The following ABCB5 variants were observed in gnomAD, a reference collection of about 807,000 sequenced individuals.
The protein encoded by ABCB5 is ATP binding cassette subfamily B member 5.
A neutral mutation model predicts 144.2 loss-of-function variants in ABCB5; 155 were observed. The ratio of observed to expected loss-of-function variants is 1.08; its 90% CI spans 0.94 to 1.23. The LOEUF (loss-of-function observed/expected upper bound fraction) is 1.23, where lower values mean the gene tolerates loss of function less well. Ranked by LOEUF, ABCB5 falls within the 50% of genes most tolerant of loss-of-function variation. The pLI, the probability that ABCB5 is intolerant of heterozygous loss-of-function variation, is 0.00. For synonymous variants in ABCB5, 610 were observed against 528.6 expected (o/e 1.15, Z -2.11); for missense variants, 1,830 against 1,520.8 (o/e 1.20, Z -3.38).
At chr7:20,747,159 C>G (rs537038562) in intron 26 of ABCB5, among the ~76,000 whole-genome samples, 20 of 152,332 alleles carry the variant, frequency 1.3e-4, no homozygotes, top group Non-Finnish European at 8.8e-5. Context: ...TCCTTTTTAA[C>G]CATGACACTC....
At chr7:20,687,616 C>T (rs113048253) in intron 16 of ABCB5, among the ~76,000 whole-genome samples, 3 of 152,292 alleles carry the variant, frequency 2.0e-5, no homozygotes, top group African/African-American at 4.8e-5. Flanking sequence ...AAGTGTCCTA[C>T]AACCAAGAAC....
chr7:20,718,079 GTT>G (rs377757870), intron 20 of ABCB5, among the ~76,000 whole-genome samples: 2 of 140,374 alleles, frequency 1.4e-5, no homozygotes, highest in Non-Finnish European at 1.6e-5. Flanking sequence ...TTTTTTTGTG[GTT>G]TTTTTTTTTA....
Position 20,623,269 on chromosome 7 carries a change from A to G in ABCB5, c.-17A>G. On this transcript the variant is annotated 5_prime_UTR_variant, in exon 2 of 28. Coordinates refer to ENST00000404938, the MANE Select transcript of ABCB5 (RefSeq NM_001163941.2). Reference sequence around the variant, plus strand: ...TTTGTTAAAATTGTATTTCAGAAGAAGTAAATTGTAAATAAGATGGAAAAT... The same window carrying G: ...TTTGTTAAAATTGTATTTCAGAAGAGGTAAATTGTAAATAAGATGGAAAAT... 6.7e-7 allele frequency: 1 copy of G among 1,497,768 alleles called. No homozygotes were observed. The highest frequency in any genetic ancestry group is 9.1e-7 in the Non-Finnish European group (1 of 1,098,494). The allele number at this position is 1,497,768 out of a possible 1,614,324, so 92.8% of individuals were successfully genotyped here. A position where few individuals can be genotyped will look rare whatever the true frequency, so the allele number is the denominator to read the frequency against.
rs775420502 is a variant in ABCB5, at chr7:20,643,522, T to A, written c.568T>A (p.Ser190Thr). 4 of 1,613,918 alleles carry A rather than the reference T, an allele frequency of 2.5e-6. No individual in the cohort carries two copies. The highest frequency in any genetic ancestry group is 3.4e-6 in the Non-Finnish European group (4 of 1,179,904). ...GATTGCTCTGTTGTTTCAAAACATG[T>A]CTACTTTTTCGATTGGCCTGGCAGT... ...DKIALLFQNM[S>T]TFSIGLAVGL... is the part of the protein sequence containing the mutation. The change falls in exon 7 of 28, where the codon TCT becomes ACT. Residue 190 changes from serine (S) to threonine (T), a missense_variant. Physicochemically the swap from Ser to Thr is moderately conservative, Grantham distance 58. Coordinates refer to ENST00000404938, the MANE Select transcript of ABCB5 (RefSeq NM_001163941.2).
intron 14 of ABCB5, among the ~76,000 whole-genome samples, chr7:20,681,008 T>C (rs1472053339): frequency 2.3e-3 from 13 of 5,562 alleles, no homozygotes; most frequent in South Asian, 0.01. Context: ...CTTTCTTTCT[T>C]TCTTTCTTTC....
chr7:20,653,121 C>T (rs942988665), intron 13 of ABCB5, among the ~76,000 whole-genome samples: 1 of 152,188 alleles, frequency 6.6e-6, no homozygotes, highest in African/African-American at 2.4e-5. Flanking sequence ...AACATCAATG[C>T]TCTCATTTCC....
chr7:20,739,263 G>A (rs1314250452), intron 24 of ABCB5, 124 bp downstream of exon 24: 7 of 935,176 alleles, frequency 7.5e-6, no homozygotes, highest in Non-Finnish European at 1.0e-5. Flanking sequence ...GCTATACTCA[G>A]TACCTGTGTG....
chr7:20,647,755 G>A, intron 10 of ABCB5, 107 bp downstream of exon 10: 1 of 1,465,100 alleles, frequency 6.8e-7, no homozygotes, highest in South Asian at 1.3e-5. Flanking sequence ...CAAATTTAAT[G>A]TTGGCCAGTT....
At chr7:20,734,891 C>T (rs1782334950) in intron 23 of ABCB5, among the ~76,000 whole-genome samples, 1 of 152,162 alleles carries the variant, frequency 6.6e-6, no homozygotes, top group South Asian at 2.1e-4. Context: ...TTTGTTATTT[C>T]ACTATAAATG....
At position 20,699,888 on chromosome 7, in the gene ABCB5, G is replaced by A. The variant is rs1273295634; in HGVS notation, c.2218G>A (p.Val740Ile). 24 of 1,612,510 alleles carry A rather than the reference G, an allele frequency of 1.5e-5. No individual in the cohort carries two copies. Among genetic ancestry groups the A allele is most frequent in the Non-Finnish European group, 1.8e-5 (21 of 1,179,284 alleles). ...TGCAGAAATTTATTCCATGATATTC[G>A]TCATTTTGGGTGTTATTTGCTTTGT... ...HDAEIYSMIF[V>I]ILGVICFVSY... The change falls in exon 18 of 28, where the codon GTC (valine) becomes ATC (isoleucine). Residue 740 changes from valine (V) to isoleucine (I), a missense_variant. Coordinates refer to ENST00000404938, the MANE Select transcript of ABCB5 (RefSeq NM_001163941.2).
intron 17 of ABCB5, among the ~76,000 whole-genome samples, chr7:20,699,079 C>T (rs901265924): frequency 6.6e-6 from 1 of 152,152 alleles, no homozygotes; most frequent in Non-Finnish European, 1.5e-5. Flanking sequence ...AGTATAAATG[C>T]CTGTGTATGT....
Position 20,651,436 on chromosome 7 carries a change from A to C in ABCB5, c.1349A>C (p.Asn450Thr). The C allele has an allele frequency of 2.5e-6, 4 of 1,614,092 alleles. No homozygotes were observed. Among genetic ancestry groups the C allele is most frequent in the Non-Finnish European group, 3.4e-6 (4 of 1,179,988 alleles). ...GATTGGCAGATCATGGTGGATGAGA[A>C]TGACATCAGAGCTTTAAATGTGCGG... ...PDDGFIMVDE[N>T]DIRALNVRHY... is the part of the protein sequence containing the mutation. The change falls in exon 13 of 28, where the codon AAT becomes ACT. Residue 450 changes from asparagine (N) to threonine (T), a missense_variant. Asn to Thr is a moderately conservative substitution (Grantham distance 65, BLOSUM62 0). Transcript: ENST00000404938.
At chr7:20,639,161 A>C (rs1330011015) in intron 5 of ABCB5, among the ~76,000 whole-genome samples, 1 of 152,164 alleles carries the variant, frequency 6.6e-6, no homozygotes, top group East Asian at 1.9e-4. Context: ...TTCTTTGGTG[A>C]AAAGTCTATT....
rs77475615 is a variant in ABCB5, at chr7:20,665,319, A to C, written c.1707+6643A>C. On this transcript the variant is annotated intron_variant, in intron 14 of 27. Transcript: ENST00000404938. The stretch of plus-strand genomic sequence containing the variant: ...TATTTGTCATCCCCCTTGACAAAAA[A>C]GAAAGCATTCTCGGACCAGTGACGT... Among the ~76,000 whole-genome samples, 1,310 of 152,318 alleles carry C rather than the reference A, an allele frequency of 8.6e-3. 16 individuals carry two copies. The highest frequency in any genetic ancestry group is 0.03 in the African/African-American group (1,243 of 41,572).
At position 20,643,685 on chromosome 7, in the gene ABCB5, T is replaced by C. The variant is rs1263586781; in HGVS notation, c.678+53T>C. 4.4e-6 allele frequency: 7 copies of C among 1,587,152 alleles called. No homozygotes were observed. In the East Asian group the frequency reaches 1.1e-4, roughly 25 times the overall value. On this transcript the variant is annotated intron_variant, in intron 7 of 27. Coordinates refer to ENST00000404938, the MANE Select transcript of ABCB5 (RefSeq NM_001163941.2). ...AATGGAAGCAGCAGTGTGGACTAAA[T>C]GACTCACTGAGTTTGTTCAAAAATG... is the stretch of plus-strand genomic sequence containing the variant.
chr7:20,722,039 C>T (rs1781884039), intron 20 of ABCB5, among the ~76,000 whole-genome samples: 1 of 152,014 alleles, frequency 6.6e-6, no homozygotes, highest in Non-Finnish European at 1.5e-5. Flanking sequence ...GTATAAAATT[C>T]CTAGCAAATG....
At chr7:20,733,872 T>C (rs950475554) in intron 23 of ABCB5, among the ~76,000 whole-genome samples, 3 of 152,102 alleles carry the variant, frequency 2.0e-5, no homozygotes, top group Admixed American at 6.6e-5. Context: ...ACTCCGGACC[T>C]CAAGTGATCC....
At chr7:20,639,586 C>A (rs1562532347) in intron 5 of ABCB5, among the ~76,000 whole-genome samples, 1 of 152,092 alleles carries the variant, frequency 6.6e-6, no homozygotes, top group Non-Finnish European at 1.5e-5. Context: ...GTCCCAGAAC[C>A]ATTTGTTGAA....
At chr7:20,715,957 T>C (rs1403014588) in intron 20 of ABCB5, among the ~76,000 whole-genome samples, 1 of 151,968 alleles carries the variant, frequency 6.6e-6, no homozygotes, top group African/African-American at 2.4e-5. Context: ...TGACCTCTGG[T>C]GATCCTCCCA....
Sources: gnomAD v4.1 joint callset for allele counts (sites outside exome capture counted in the v4.1 genomes callset) on GRCh38, gnomAD v4.1.1 for gene constraint, MANE v1.5 for transcripts, NCBI Gene and HGNC (gene_info 2026-07-23, HGNC 2026-07-21) for gene names.